Variants in NECAB2 observed in about 807,000 individuals in gnomAD.
The protein encoded by NECAB2 is N-terminal EF-hand calcium binding protein 2, also known as N-terminal EF-hand calcium-binding protein 2.
A neutral mutation model predicts 51.9 loss-of-function variants in NECAB2; 68 were observed. That is an observed-to-expected ratio of 1.31 (90% CI 1.08 to 1.60). NECAB2 has a LOEUF of 1.60. Ranked by LOEUF, NECAB2 falls within the 40% of genes most tolerant of loss-of-function variation. NECAB2 has a pLI of 0.00. For missense variants in NECAB2, 854 were observed against 490.3 expected, an observed-to-expected ratio of 1.74 and a Z score of -7.00; for synonymous variants, 329 against 203.5, an observed-to-expected ratio of 1.62 and a Z score of -5.25.
rs370104141 is a variant in NECAB2, at chr16:84,000,733, C to G, written c.972C>G (p.Ala324=). ...TGVRNCFHIT[A]VRLSDGFTFV... is the part of the protein sequence containing the mutation. ...CCATCTCCTGTTGCAGCATCACTGC[C>G]GTGAGGCTCTCAGATGGCTTCACCT... Residue 324 remains alanine, a synonymous_variant, in exon 11 of 13, where the codon GCC becomes GCG. Transcript: ENST00000305202. 4 of 1,613,784 alleles carry G rather than the reference C, an allele frequency of 2.5e-6. 1 individual carries two copies. The highest frequency in any genetic ancestry group is 2.2e-5 in the South Asian group (2 of 91,070).
At chr16:83,979,025 CT>C (rs1024128977) in intron 3 of NECAB2, among the ~76,000 whole-genome samples, 1 of 152,160 alleles carries the variant, frequency 6.6e-6, no homozygotes, top group Non-Finnish European at 1.5e-5. Context: ...CTTATTAAAC[CT>C]TTTCTCCAAC....
intron 5 of NECAB2, among the ~76,000 whole-genome samples, chr16:83,983,309 T>TCTAACACGTGCCCCTCTTG (rs2084512369): frequency 1.3e-5 from 2 of 152,210 alleles, no homozygotes; most frequent in South Asian, 4.1e-4. Context: ...GTCTCTGCAT[T>TCTAACACGTGCCCCTCTTG]CTAACACGTG....
rs760472214 is a variant in NECAB2, at chr16:83,994,372, C to G, written c.667C>G (p.Pro223Ala). Reference protein sequence around the residue: ...WCGSPTPASAPNHKLMAMEQG... With the variant: ...WCGSPTPASAANHKLMAMEQG... ...TGGAAGCCCCACTCCCGCCTCTGCC[C>G]CCAACCACAAGCTCATGGCTATGGA... The change falls in exon 7 of 13, where the codon CCC (proline) becomes GCC (alanine). Residue 223 changes from proline to alanine, a missense_variant. By Grantham distance (27) the Pro-to-Ala change is conservative. Coordinates refer to ENST00000305202, the MANE Select transcript of NECAB2 (RefSeq NM_019065.3). 1.2e-6 allele frequency: 2 copies of G among 1,614,182 alleles called. No individual in the cohort carries two copies. Among genetic ancestry groups the G allele is most frequent in the East Asian group, 2.2e-5 (1 of 44,878 alleles).
Position 83,998,246 on chromosome 16 carries a change from G to C in NECAB2, c.891G>C (p.Glu297Asp), listed in dbSNP as rs201697674. The change falls in exon 10 of 13, where the codon GAG (glutamate) becomes GAC (aspartate). Residue 297 changes from glutamate to aspartate, a missense_variant. By Grantham distance (45) the Glu-to-Asp change is conservative. Coordinates refer to ENST00000305202, the MANE Select transcript of NECAB2 (RefSeq NM_019065.3). Reference sequence around the variant, plus strand: ...GGCAGGAGATGGCCGTGTGCCCCGAGCAACTGAGCGAGTTTCTGGACTCTC... The same window carrying C: ...GGCAGGAGATGGCCGTGTGCCCCGACCAACTGAGCGAGTTTCTGGACTCTC... ...LVRQEMAVCPEQLSEFLDSLR... is the reference protein window; with the variant it reads ...LVRQEMAVCPDQLSEFLDSLR... The C allele has an allele frequency of 6.2e-7, 1 of 1,612,744 alleles. No homozygotes were observed. The highest frequency in any genetic ancestry group is 8.5e-7 in the Non-Finnish European group (1 of 1,180,030).
chr16:83,991,074 C>G (rs2084618629), intron 6 of NECAB2, among the ~76,000 whole-genome samples: 1 of 152,154 alleles, frequency 6.6e-6, no homozygotes, highest in Non-Finnish European at 1.5e-5. Context: ...CTCTCCCTCC[C>G]TGGGTTCAAG....
At chr16:83,978,906 G>C (rs1478749919) in intron 3 of NECAB2, among the ~76,000 whole-genome samples, 1 of 152,100 alleles carries the variant, frequency 6.6e-6, no homozygotes, top group Non-Finnish European at 1.5e-5. Context: ...CAATGCCTGT[G>C]TGTCCTCCCA....
rs544793779 is a variant in NECAB2 at position 83,981,134 on chromosome 16, G to A, written c.459+7G>A. ...CATGGGTTATACCAAGAAGGTCAGT[G>A]GGTGTAGGTGGCCCCCGGGGTCCAG... On this transcript the variant is annotated splice_region_variant and intron_variant, in intron 5 of 12. Transcript: ENST00000305202. 13 of 1,606,440 alleles carry A rather than the reference G, an allele frequency of 8.1e-6. No individual in the cohort carries two copies. In the South Asian group the frequency reaches 1.4e-4, roughly 18 times the overall value.
At chr16:84,000,929 A>T (rs779653004) in intron 11 of NECAB2, 128 bp downstream of exon 11, 16 of 873,138 alleles carry the variant, frequency 1.8e-5, no homozygotes, top group Non-Finnish European at 2.7e-5. Context: ...CGAGGCATCT[A>T]CCCGCTGGCA....
chr16:83,968,236 G>C (rs969749645), upstream of NECAB2, among the ~76,000 whole-genome samples: 8 of 151,306 alleles, frequency 5.3e-5, no homozygotes, highest in African/African-American at 1.9e-4. Flanking sequence ...GGACACCCGC[G>C]CTTCGGCCTC....
chr16:83,969,401 C>A (rs1353329386), intron 1 of NECAB2, among the ~76,000 whole-genome samples: 1 of 152,118 alleles, frequency 6.6e-6, no homozygotes, highest in Non-Finnish European at 1.5e-5. Flanking sequence ...CACCTTCTGT[C>A]TTCTCGTCTC....
rs375648200 is a variant in NECAB2, at chr16:83,986,829, G to C, written c.460-3665G>C. ...TAAGCCACCATGGCCAGCCAGAAGA[G>C]AACTCTTTGAATTATTATAAATGGT... On this transcript the variant is annotated intron_variant, in intron 5 of 12. Coordinates refer to ENST00000305202, the MANE Select transcript of NECAB2 (RefSeq NM_019065.3). Among the ~76,000 whole-genome samples the C allele has an allele frequency of 2.6e-5, 4 of 152,170 alleles. No individual in the cohort carries two copies. In the East Asian group the frequency reaches 5.8e-4, roughly 22 times the overall value.
At chr16:83,980,971 G>C in intron 4 of NECAB2, 59 bp from the exon 5 acceptor site, 1 of 1,604,650 alleles carries the variant, frequency 6.2e-7, no homozygotes, top group Non-Finnish European at 8.5e-7. Flanking sequence ...GGAGGTGCAG[G>C]AGTGCTGAGT....
In NECAB2 at chr16:83,978,550, C is replaced by G; in HGVS notation, c.333C>G (p.Thr111=). 4.3e-6 allele frequency: 7 copies of G among 1,611,336 alleles called. No homozygotes were observed. The highest frequency in any genetic ancestry group is 5.9e-6 in the Non-Finnish European group (7 of 1,178,014). The change falls in exon 3 of 13, where the codon ACC becomes ACG. Residue 111 remains threonine (T), a splice_region_variant and synonymous_variant. Transcript: ENST00000305202. ...DLFHTIDSDN[T]NHVDTKELCD... is the part of the protein sequence containing the mutation. ...TTCACACGATTGACTCTGACAACAC[C>G]AAGTGAGCTTCAGTCCTGGCTGGCA... is the stretch of plus-strand genomic sequence containing the variant.
chr16:83,998,271 C>T lies in NECAB2; in HGVS notation c.916C>T (p.Leu306=). The change falls in exon 10 of 13, where the codon CTG becomes TTG. Residue 306 remains leucine, a synonymous_variant. Transcript: ENST00000305202. ...PEQLSEFLDS[L]RQYLRGTTGV... ...GCAACTGAGCGAGTTTCTGGACTCT[C>T]TGCGCCAGTATCTGCGGGGGACCAC... 1.2e-6 allele frequency: 2 copies of T among 1,613,452 alleles called. No individual in the cohort carries two copies. The highest frequency in any genetic ancestry group is 8.5e-7 in the Non-Finnish European group (1 of 1,180,010).
intron 9 of NECAB2, among the ~76,000 whole-genome samples, 181 bp downstream of exon 9, chr16:83,997,450 C>G (rs563550928): frequency 3.6e-4 from 52 of 145,992 alleles, no homozygotes; most frequent in Middle Eastern, 3.6e-3. Context: ...CCCACCAACT[C>G]CGGGGGTATT....
At chr16:83,972,983 G>C (rs2084365575) in intron 2 of NECAB2, among the ~76,000 whole-genome samples, 1 of 152,252 alleles carries the variant, frequency 6.6e-6, no homozygotes, top group Non-Finnish European at 1.5e-5. Flanking sequence ...TCTGGGCCTT[G>C]GTTTTCCCGT....
At chr16:83,965,228 C>T, upstream of NECAB2, 2 of 1,612,806 alleles carry the variant, frequency 1.2e-6, no homozygotes, top group South Asian at 1.1e-5. Context: ...CTCCAGCCCC[C>T]TCTTCCAGGT....
upstream of NECAB2, chr16:83,965,181 G>T: frequency 1.2e-6 from 2 of 1,613,324 alleles, no homozygotes; most frequent in East Asian, 4.5e-5. Context: ...GCCGTGGAGT[G>T]GGGGACCCCC....
intron 5 of NECAB2, among the ~76,000 whole-genome samples, chr16:83,985,527 G>GGA (rs2084542336): frequency 6.6e-6 from 1 of 151,044 alleles, no homozygotes; most frequent in East Asian, 1.9e-4. Flanking sequence ...CAGCTACTTG[G>GGA]GAGAGTGAGG....
Sources: gnomAD v4.1 joint callset for allele counts (sites outside exome capture counted in the v4.1 genomes callset) on GRCh38, gnomAD v4.1.1 for gene constraint, MANE v1.5 for transcripts, NCBI Gene and HGNC (gene_info 2026-07-23, HGNC 2026-07-21) for gene names.